The following PPEF1 variants were observed in gnomAD, a reference collection of about 807,000 sequenced individuals.
PPEF1 encodes protein phosphatase with EF-hand domain 1.
A neutral mutation model predicts 53.3 loss-of-function variants in PPEF1; 12 were observed. The observed-to-expected ratio is 0.23, with a 90% CI of 0.14 to 0.36. The LOEUF (loss-of-function observed/expected upper bound fraction) is 0.36. Among genes scored for constraint, PPEF1 ranks in the 10% least tolerant of loss-of-function variants. PPEF1 has a pLI of 1.00. For synonymous variants in PPEF1, 165 were observed against 176.7 expected (o/e 0.93, Z 0.52); for missense variants, 334 against 490.4 (o/e 0.68, Z 3.01).
chrX:18,807,040 G>GT (rs1737878791), intron 12 of PPEF1, among the ~76,000 whole-genome samples: 1 of 89,082 alleles, frequency 1.1e-5, no homozygotes, highest in Admixed American at 1.2e-4. Flanking sequence ...TTTGTTTTTT[G>GT]TTTTTTTGAG....
chrX:18,678,169 G>T (rs868429260), upstream of PPEF1, among the ~76,000 whole-genome samples: 4 of 96,845 alleles, frequency 4.1e-5, no homozygotes, highest in Non-Finnish European at 8.0e-5. Context: ...GATGGCTCAC[G>T]CTTATAATCC....
intron 3 of PPEF1, among the ~76,000 whole-genome samples, chrX:18,746,225 A>G (rs941369017): frequency 4.5e-5 from 5 of 112,355 alleles, no homozygotes; most frequent in African/African-American, 1.6e-4. Flanking sequence ...AATTATTGTT[A>G]TTAGTTATAA....
At chrX:18,782,292 G>C (rs187926053) in intron 7 of PPEF1, 74 bp from the exon 8 acceptor site, 1 of 854,723 alleles carries the variant, frequency 1.2e-6, no homozygotes. Context: ...GATGCCAAGG[G>C]CTTCCCTTTT....
chrX:18,804,955 A>G (rs1360383601), intron 11 of PPEF1, among the ~76,000 whole-genome samples: 2 of 110,539 alleles, frequency 1.8e-5, no homozygotes, highest in East Asian at 2.8e-4. Context: ...TCTTGTCCCA[A>G]GTTGTTCTGG....
Position 18,727,588 on chromosome X carries a change from G to A in PPEF1, c.47-2593G>A, listed in dbSNP as rs190647086. 2.7e-4 allele frequency among the ~76,000 whole-genome samples: 30 copies of A among 110,410 alleles called. No individual in the cohort carries two copies. The East Asian group carries it at 7.5e-3, about 27-fold the overall frequency. On this transcript the variant is annotated intron_variant, in intron 1 of 15. Coordinates refer to ENST00000470157, the MANE Select transcript of PPEF1 (RefSeq NM_001377996.1). ...ACACCAAGCAGCAGATACCAGCTGG[G>A]TGTCCTCTAATTCAGATTCTGACAT...
chrX:18,735,114 G>A (rs148335451), intron 3 of PPEF1, among the ~76,000 whole-genome samples: 1,984 of 111,293 alleles, frequency 0.018, 40 homozygotes, highest in South Asian at 0.15. Flanking sequence ...TTTGCTGTGC[G>A]GAAGCTCTTT....
Position 18,769,951 on chromosome X carries a change from T to C in PPEF1, c.558+8375T>C, listed in dbSNP as rs143057392. ...AGGCGAGACTGTGGGAAACATCTGG[T>C]TTTTGTCTCTGTTTAAGTTAATTAA... On this transcript the variant is annotated intron_variant, in intron 6 of 15. Coordinates refer to ENST00000470157, the MANE Select transcript of PPEF1 (RefSeq NM_001377996.1). 4.1e-4 allele frequency among the ~76,000 whole-genome samples: 46 copies of C among 111,540 alleles called. No individual in the cohort carries two copies. In the East Asian group the frequency reaches 0.012, roughly 30 times the overall value.
intron 1 of PPEF1, among the ~76,000 whole-genome samples, chrX:18,717,923 T>A (rs1355324348): frequency 8.9e-6 from 1 of 111,956 alleles, no homozygotes; most frequent in Non-Finnish European, 1.9e-5. Flanking sequence ...ATCCCTGTTT[T>A]ATTGGGAATC....
chrX:18,724,118 G>A (rs1026913912), intron 1 of PPEF1, among the ~76,000 whole-genome samples: 13 of 111,484 alleles, frequency 1.2e-4, no homozygotes, highest in African/African-American at 4.2e-4. Context: ...GATTCCAAAT[G>A]CCATGTATAT....
intron 10 of PPEF1, among the ~76,000 whole-genome samples, chrX:18,793,301 T>G (rs2046357285): frequency 9.0e-6 from 1 of 111,333 alleles, no homozygotes; most frequent in South Asian, 3.7e-4. Context: ...GTGATTTCTT[T>G]AACTTATCTG....
chrX:18,675,073 G>A (rs760762878), upstream of PPEF1, among the ~76,000 whole-genome samples: 7 of 112,799 alleles, frequency 6.2e-5, no homozygotes, highest in South Asian at 2.6e-3. Flanking sequence ...CCGTGACCCC[G>A]CCCCCGAGGC....
At chrX:18,752,614 A>C (rs1360187247) in intron 4 of PPEF1, among the ~76,000 whole-genome samples, 2 of 110,949 alleles carry the variant, frequency 1.8e-5, no homozygotes, top group Admixed American at 1.9e-4. Context: ...TACTGAGTTT[A>C]ATGTTAGTTG....
chrX:18,687,360 G>A (rs752826350), intron 3 of PPEF1, among the ~76,000 whole-genome samples: 10 of 111,281 alleles, frequency 9.0e-5, no homozygotes, highest in East Asian at 5.6e-4. Context: ...CATTCGTTAC[G>A]TCAACCCAGT....
chrX:18,682,403 G>C (rs990778248), upstream of PPEF1, among the ~76,000 whole-genome samples: 12 of 112,019 alleles, frequency 1.1e-4, no homozygotes, highest in African/African-American at 3.6e-4. Context: ...TTCTACTTTG[G>C]CGAGTTAGGA....
chrX:18,748,507 G>A (rs778838492), intron 3 of PPEF1, among the ~76,000 whole-genome samples: 18 of 112,337 alleles, frequency 1.6e-4, no homozygotes, highest in African/African-American at 4.2e-4. Context: ...GTCATTATCC[G>A]CAAGAATATT....
rs754388622 is a variant in PPEF1 at position 18,746,526 on chromosome X, T to A, written c.236-3266T>A. Among the ~76,000 whole-genome samples, 21 of 111,669 alleles carry A rather than the reference T, an allele frequency of 1.9e-4. No individual in the cohort carries two copies. The South Asian group carries it at 8.0e-3, about 42-fold the overall frequency. On this transcript the variant is annotated intron_variant, in intron 3 of 15. Transcript: ENST00000470157. ...CGGTAGACCAAGCTTCTCTTTTTTT[T>A]AAAGAATGAAAACAATATTTTAATT...
At chrX:18,745,163 A>AT (rs1214611272) in intron 3 of PPEF1, among the ~76,000 whole-genome samples, 1 of 94,827 alleles carries the variant, frequency 1.1e-5, no homozygotes, top group African/African-American at 3.9e-5. Context: ...ATTATAATAT[A>AT]ATTATATATT....
chrX:18,704,623 GA>G (rs1404581367), upstream of PPEF1, among the ~76,000 whole-genome samples: 3 of 111,822 alleles, frequency 2.7e-5, no homozygotes, highest in Admixed American at 9.5e-5. Context: ...AATTCAGCTT[GA>G]AATAGATGGA....
upstream of PPEF1, among the ~76,000 whole-genome samples, chrX:18,678,403 C>T (rs1467110137): frequency 9.0e-6 from 1 of 111,680 alleles, no homozygotes; most frequent in Non-Finnish European, 1.9e-5. Context: ...CATCACTGCA[C>T]TCCAGCCTGG....
Sources: gnomAD v4.1 joint callset for allele counts (sites outside exome capture counted in the v4.1 genomes callset) on GRCh38, gnomAD v4.1.1 for gene constraint, MANE v1.5 for transcripts, NCBI Gene and HGNC (gene_info 2026-07-23, HGNC 2026-07-21) for gene names.